Variants in SMPD3 observed in about 807,000 individuals in gnomAD.
The protein encoded by SMPD3 is sphingomyelin phosphodiesterase 3.
SMPD3 carries 21 observed loss-of-function variants against 55.7 expected under a neutral mutation model. The ratio of observed to expected loss-of-function variants is 0.38; its 90% CI spans 0.27 to 0.54. The LOEUF (loss-of-function observed/expected upper bound fraction) is 0.54, where lower values mean the gene tolerates loss of function less well. SMPD3 is among the 20% of genes least tolerant of loss of function. The probability of loss-of-function intolerance (pLI) is 0.80; values close to 1 mark genes in which losing one functional copy is unlikely to be tolerated. For synonymous variants in SMPD3, 457 were observed against 404.3 expected (o/e 1.13, Z -1.56); for missense variants, 842 against 899.6 (o/e 0.94, Z 0.82).
Position 68,358,735 on chromosome 16 carries a change from G to A in SMPD3, c.*2471C>T, listed in dbSNP as rs1247562531. On this transcript the variant is annotated 3_prime_UTR_variant, in exon 9 of 9. Coordinates refer to ENST00000219334, the MANE Select transcript of SMPD3 (RefSeq NM_018667.4). The stretch of plus-strand genomic sequence containing the variant: ...TGGCTTCCTTTGAGACTGGGCCTAG[G>A]GCAGGAACAGAGTCTTGGTATGGGC... The A allele has an allele frequency of 6.6e-6, 1 of 152,562 alleles. No homozygotes were observed. Among genetic ancestry groups the A allele is most frequent in the African/African-American group, 2.4e-5 (1 of 41,472 alleles). The allele number at this position is 152,562 out of a possible 1,614,324, so 9.5% of individuals were successfully genotyped here.
chr16:68,398,362 G>A (rs1271367846), intron 1 of SMPD3, among the ~76,000 whole-genome samples: 2 of 152,148 alleles, frequency 1.3e-5, no homozygotes, highest in African/African-American at 4.8e-5. Flanking sequence ...AGGGCCCTAC[G>A]TGGCAGTCCC....
intron 1 of SMPD3, among the ~76,000 whole-genome samples, chr16:68,401,580 A>G (rs1242277097): frequency 6.6e-6 from 1 of 151,952 alleles, no homozygotes; most frequent in Non-Finnish European, 1.5e-5. Context: ...ATGTCCAAGA[A>G]TCTCCCTGAA....
intron 1 of SMPD3, among the ~76,000 whole-genome samples, chr16:68,420,313 A>G (rs1267966356): frequency 2.0e-5 from 3 of 152,176 alleles, no homozygotes; most frequent in Admixed American, 6.5e-5. Flanking sequence ...TCGCAATCCT[A>G]TAAGGAAAAA....
chr16:68,361,472 G>T, intron 8 of SMPD3, 131 bp downstream of exon 8: 1 of 1,419,226 alleles, frequency 7.0e-7, no homozygotes, highest in Non-Finnish European at 9.7e-7. Context: ...CTAAGGGTCT[G>T]AGGGAGTGAT....
intron 1 of SMPD3, among the ~76,000 whole-genome samples, chr16:68,408,904 G>A (rs2090273690): frequency 6.6e-6 from 1 of 152,186 alleles, no homozygotes; most frequent in Non-Finnish European, 1.5e-5. Context: ...AGTGTTGGAT[G>A]AGTGGGCACA....
chr16:68,365,361 G>A (rs770287688), intron 3 of SMPD3, among the ~76,000 whole-genome samples: 15 of 152,250 alleles, frequency 9.9e-5, no homozygotes, highest in African/African-American at 3.4e-4. Flanking sequence ...GTGCCGAACC[G>A]CAGCAAGGCT....
At chr16:68,365,200 G>T in intron 3 of SMPD3, 108 bp from the exon 4 acceptor site, 1 of 1,128,348 alleles carries the variant, frequency 8.9e-7, no homozygotes, top group Non-Finnish European at 1.3e-6. Context: ...TCACAAGCCT[G>T]GCTCCTGGCT....
At chr16:68,392,835 G>GAAAAAAAAAAAA (rs60841057) in intron 1 of SMPD3, among the ~76,000 whole-genome samples, 1 of 88,292 alleles carries the variant, frequency 1.1e-5, no homozygotes, top group Non-Finnish European at 2.0e-5. Flanking sequence ...CGCTGTCTGG[G>GAAAAAAAAAAAA]AAAAAAAAAA....
chr16:68,358,640 A>AT lies in SMPD3; in HGVS notation c.*2565_*2566insA, dbSNP rs2088995754. The AT allele has an allele frequency of 6.6e-6, 1 of 152,648 alleles. No homozygotes were observed. Among genetic ancestry groups the AT allele is most frequent in the South Asian group, 2.1e-4 (1 of 4,832 alleles). The allele number at this position is 152,648 out of a possible 1,614,324, so 9.5% of individuals were successfully genotyped here. A position where few individuals can be genotyped will look rare whatever the true frequency, so the allele number is the denominator to read the frequency against. On this transcript the variant is annotated 3_prime_UTR_variant, in exon 9 of 9. Transcript: ENST00000219334. ...AGTTAAAAAGCATCAAGATTAATAT[A>AT]CTTAAAACTTAAGGTGGTTTTGGAC...
intron 1 of SMPD3, among the ~76,000 whole-genome samples, chr16:68,440,999 C>T (rs769892056): frequency 3.3e-5 from 5 of 150,872 alleles, no homozygotes; most frequent in East Asian, 3.9e-4. Flanking sequence ...AAATAGGGGC[C>T]GCATACTTAG....
chr16:68,442,006 G>A (rs1334877428), intron 1 of SMPD3, among the ~76,000 whole-genome samples: 3 of 152,092 alleles, frequency 2.0e-5, no homozygotes, highest in Non-Finnish European at 1.5e-5. Flanking sequence ...CCTCAAGCAA[G>A]CCTCCTGCCT....
At chr16:68,361,445 C>T in intron 8 of SMPD3, 138 bp from the exon 9 acceptor site, 1 of 1,367,482 alleles carries the variant, frequency 7.3e-7, no homozygotes, top group Non-Finnish European at 1.0e-6. Flanking sequence ...GGGATGGGGC[C>T]TGGAGGACCT....
chr16:68,441,931 A>G (rs1389272734), intron 1 of SMPD3, among the ~76,000 whole-genome samples: 1 of 151,850 alleles, frequency 6.6e-6, no homozygotes, highest in African/African-American at 2.4e-5. Context: ...ATGCCTAGCT[A>G]ATGTTTTTAT....
intron 1 of SMPD3, among the ~76,000 whole-genome samples, chr16:68,446,653 A>C (rs1479394408): frequency 6.6e-6 from 1 of 152,114 alleles, no homozygotes; most frequent in East Asian, 1.9e-4. Context: ...TCACACACTT[A>C]AACACATCCC....
Position 68,371,654 on chromosome 16 carries a change from A to G in SMPD3, c.528T>C (p.Asn176=), listed in dbSNP as rs2089673841. The G allele has an allele frequency of 6.4e-7, 1 of 1,565,580 alleles. No homozygotes were observed. The highest frequency in any genetic ancestry group is 1.4e-5 in the African/African-American group (1 of 73,258). ...TGAAGCTAGCGGCGCTGATGGAGGTATTGGTGGGGGAGTCGATGTAAATTT... is the reference window on the plus strand; with the variant it reads ...TGAAGCTAGCGGCGCTGATGGAGGTGTTGGTGGGGGAGTCGATGTAAATTT... ...QIKIYIDSPT[N]TSISAASFSS... Residue 176 remains asparagine, a synonymous_variant, in exon 3 of 9, where the codon AAT becomes AAC. Transcript: ENST00000219334.
chr16:68,414,570 CCA>C (rs1239230953), intron 1 of SMPD3, among the ~76,000 whole-genome samples: 1 of 152,204 alleles, frequency 6.6e-6, no homozygotes, highest in Non-Finnish European at 1.5e-5. Context: ...CCTCTAAGCC[CCA>C]CAGGTAGGAG....
chr16:68,379,976 C>T (rs927524591), intron 2 of SMPD3, among the ~76,000 whole-genome samples: 5 of 152,246 alleles, frequency 3.3e-5, no homozygotes, highest in Admixed American at 2.6e-4. Context: ...ACCCCTGGGT[C>T]CAGGCCCTTG....
intron 1 of SMPD3, among the ~76,000 whole-genome samples, chr16:68,439,143 A>T (rs1463227922): frequency 6.6e-6 from 1 of 152,202 alleles, no homozygotes; most frequent in Non-Finnish European, 1.5e-5. Context: ...CAGAGGAGAA[A>T]GATGAAGTCT....
rs760353898 is a variant in SMPD3 at position 68,364,824 on chromosome 16, G to A, written c.1482C>T (p.Ser494=). The stretch of plus-strand genomic sequence containing the variant: ...CCACCAGCTCCTCGGGGTTGGCTGC[G>A]CTGGACGAGGAGGTAGATTTTCGGA... ...ADFRKSTSSS[S]AANPEELVAF... is the part of the protein sequence containing the mutation. The change falls in exon 5 of 9, where the codon AGC becomes AGT. Residue 494 remains serine (S), a synonymous_variant. Coordinates refer to ENST00000219334, the MANE Select transcript of SMPD3 (RefSeq NM_018667.4). 2.1e-5 allele frequency: 34 copies of A among 1,613,760 alleles called. No individual in the cohort carries two copies. The highest frequency in any genetic ancestry group is 8.0e-5 in the African/African-American group (6 of 74,916).
Sources: gnomAD v4.1 joint callset for allele counts (sites outside exome capture counted in the v4.1 genomes callset) on GRCh38, gnomAD v4.1.1 for gene constraint, MANE v1.5 for transcripts, NCBI Gene and HGNC (gene_info 2026-07-23, HGNC 2026-07-21) for gene names.